Variants in SLC16A7 observed in about 807,000 individuals in gnomAD.
SLC16A7 encodes the protein solute carrier family 16 member 7.
Under a neutral mutation model 34.9 loss-of-function variants are expected in SLC16A7, and 33 were observed. The ratio of observed to expected loss-of-function variants is 0.94; its 90% CI spans 0.72 to 1.26. The LOEUF (loss-of-function observed/expected upper bound fraction) is 1.26, where lower values mean the gene tolerates loss of function less well. Ranked by LOEUF, SLC16A7 falls within the 50% of genes most tolerant of loss-of-function variation. The pLI is 0.00. For missense variants in SLC16A7, 573 were observed against 578.1 expected, an observed-to-expected ratio of 0.99 and a Z score of 0.09; for synonymous variants, 201 against 206.6, an observed-to-expected ratio of 0.97 and a Z score of 0.23.
chr12:59,607,686 A>G (rs757967686), intron 1 of SLC16A7, among the ~76,000 whole-genome samples: 13 of 152,028 alleles, frequency 8.6e-5, no homozygotes, highest in Non-Finnish European at 1.5e-4. Flanking sequence ...ATTTTTTTCT[A>G]ATCACTGTTT....
At chr12:59,664,209 T>G (rs755034408) in intron 2 of SLC16A7, among the ~76,000 whole-genome samples, 11 of 152,118 alleles carry the variant, frequency 7.2e-5, no homozygotes, top group Admixed American at 1.3e-4. Flanking sequence ...TGGGTATAAA[T>G]TGTTTGGCAA....
chr12:59,774,775 A>G lies in SLC16A7; in HGVS notation c.480A>G (p.Ser160=). The change falls in exon 5 of 6, where the codon TCA becomes TCG. Residue 160 remains serine (S), a synonymous_variant. Transcript: ENST00000547379. ...CAGGAAGTCCTGTTTTCTTAAGTTC[A>G]TTGGCTCCTTTCAATCAGTACCTTT... is the stretch of plus-strand genomic sequence containing the variant. ...AMAGSPVFLS[S]LAPFNQYLFN... is the part of the protein sequence containing the mutation. 6.2e-7 allele frequency: 1 copy of G among 1,613,864 alleles called. No homozygotes were observed. Among genetic ancestry groups the G allele is most frequent in the Non-Finnish European group, 8.5e-7 (1 of 1,179,866 alleles).
rs1345254429 is a variant in SLC16A7, at chr12:59,626,007, G to A, written c.-129-29145G>A. On this transcript the variant is annotated intron_variant, in intron 1 of 5. Coordinates refer to ENST00000547379, the MANE Select transcript of SLC16A7 (RefSeq NM_001270623.2). ...ATTGTGTGTAACATCTAAAATTTTT[G>A]CTTTTCCAATATGTTCTATAGTTAT... Among the ~76,000 whole-genome samples the A allele has an allele frequency of 2.0e-5, 3 of 151,666 alleles. No individual in the cohort carries two copies. The East Asian group carries it at 5.8e-4, about 29-fold the overall frequency.
intron 3 of SLC16A7, among the ~76,000 whole-genome samples, chr12:59,735,434 A>G (rs1197566154): frequency 1.3e-5 from 2 of 152,182 alleles, no homozygotes; most frequent in African/African-American, 2.4e-5. Context: ...CTTAATGGCC[A>G]CTAATTTATT....
At chr12:59,667,757 G>C (rs181798610) in intron 2 of SLC16A7, among the ~76,000 whole-genome samples, 1 of 152,182 alleles carries the variant, frequency 6.6e-6, no homozygotes, top group Non-Finnish European at 1.5e-5. Context: ...TGAAGAAAAC[G>C]TCTCCAGGGT....
chr12:59,741,454 A>G (rs1308350625), intron 3 of SLC16A7, among the ~76,000 whole-genome samples: 1 of 152,160 alleles, frequency 6.6e-6, no homozygotes, highest in South Asian at 2.1e-4. Context: ...TAGGAATAAC[A>G]GGCTTCCTAG....
At chr12:59,643,179 T>C (rs116079931) in intron 1 of SLC16A7, among the ~76,000 whole-genome samples, 3,646 of 152,232 alleles carry the variant, frequency 0.024, 105 homozygotes, top group Middle Eastern at 0.068. Context: ...AATGTAATTA[T>C]TCACATTTTA....
intron 1 of SLC16A7, among the ~76,000 whole-genome samples, chr12:59,654,262 ATACT>A (rs1483892941): frequency 7.9e-5 from 12 of 151,396 alleles, no homozygotes; most frequent in African/African-American, 2.7e-4. Flanking sequence ...ATAGTTATTA[ATACT>A]TAATAATATT....
chr12:59,779,333 G>T, intron 5 of SLC16A7, 90 bp from the exon 6 acceptor site: 1 of 973,770 alleles, frequency 1.0e-6, no homozygotes, highest in Non-Finnish European at 1.5e-6. Flanking sequence ...TAAATAAGAG[G>T]AATATACTTT....
chr12:59,768,484 C>T (rs1054779332), intron 3 of SLC16A7, among the ~76,000 whole-genome samples: 1 of 152,092 alleles, frequency 6.6e-6, no homozygotes, highest in African/African-American at 2.4e-5. Context: ...TAATTTACTT[C>T]TGATGAAAAT....
chr12:59,674,679 A>C (rs773537757), intron 2 of SLC16A7, among the ~76,000 whole-genome samples: 2 of 152,150 alleles, frequency 1.3e-5, no homozygotes, highest in Non-Finnish European at 2.9e-5. Context: ...TGAAGGTGCA[A>C]AAAAGAGGAG....
chr12:59,702,194 A>T (rs997722078), intron 2 of SLC16A7, among the ~76,000 whole-genome samples: 1 of 151,906 alleles, frequency 6.6e-6, no homozygotes, highest in African/African-American at 2.4e-5. Context: ...GCTATTTTCA[A>T]CTGGTTTCAC....
At chr12:59,733,723 C>G (rs1877239273) in intron 3 of SLC16A7, 1 of 455,914 alleles carries the variant, frequency 2.2e-6, no homozygotes, top group African/African-American at 2.0e-5. Flanking sequence ...CAGCAGGTCC[C>G]AAGCTCCCAT....
chr12:59,711,160 T>C (rs1465990413), intron 3 of SLC16A7, among the ~76,000 whole-genome samples: 3 of 152,132 alleles, frequency 2.0e-5, no homozygotes, highest in Non-Finnish European at 2.9e-5. Context: ...GGGACTAACA[T>C]TGGCAGCCTG....
Position 59,665,968 on chromosome 12 carries a change from T to C in SLC16A7, c.-31+10718T>C, listed in dbSNP as rs187446958. 2.0e-3 allele frequency among the ~76,000 whole-genome samples: 304 copies of C among 152,240 alleles called. 1 individual carries two copies. The highest frequency in any genetic ancestry group is 6.9e-3 in the African/African-American group (285 of 41,556). On this transcript the variant is annotated intron_variant, in intron 2 of 5. Transcript: ENST00000547379. ...ATTCAAGTAAACATCAAAAGCTAAA[T>C]GTTCTTATGGTACTACATATGCAGT...
chr12:59,676,487 A>G (rs1870323502), intron 2 of SLC16A7, among the ~76,000 whole-genome samples: 1 of 152,078 alleles, frequency 6.6e-6, no homozygotes, highest in Admixed American at 6.6e-5. Context: ...CTATTCAGTA[A>G]TAATGGATTT....
intron 4 of SLC16A7, 145 bp from the exon 5 acceptor site, chr12:59,774,512 C>T: frequency 2.0e-6 from 1 of 506,994 alleles, no homozygotes; most frequent in South Asian, 4.5e-5. Context: ...TGTGCAATTA[C>T]ATTTATAATA....
rs1242749284 is a variant in SLC16A7, at chr12:59,672,013, G to GTATA, written c.-31+16767_-31+16770dup. Among the ~76,000 whole-genome samples the GTATA allele has an allele frequency of 0.024, 9 of 374 alleles. 4 individuals are homozygous for GTATA. The Admixed American group carries it at 0.25, about 10-fold the overall frequency. 0.2% of individuals were successfully genotyped at this position (374 alleles called of 152,430 possible). A position where few individuals can be genotyped will look rare whatever the true frequency, so the allele number is the denominator to read the frequency against. ...TATATGTGTATATATCCATATATCC[G>GTATA]TATATATGTGTATATATCGCATATA... On this transcript the variant is annotated intron_variant, in intron 2 of 5. Transcript: ENST00000547379.
At chr12:59,654,556 CT>C (rs1189340432) in intron 1 of SLC16A7, among the ~76,000 whole-genome samples, 1 of 151,726 alleles carries the variant, frequency 6.6e-6, no homozygotes. Context: ...TGTAATATTT[CT>C]GATGTATTGT....
Sources: allele counts gnomAD v4.1 joint callset (sites outside exome capture counted in the v4.1 genomes callset), GRCh38; gene constraint gnomAD v4.1.1; transcripts MANE v1.5; gene names NCBI Gene and HGNC (gene_info 2026-07-23, HGNC 2026-07-21).